Variants in SLC4A10 observed in about 807,000 individuals in gnomAD.
SLC4A10 encodes solute carrier family 4 member 10.
Under a neutral mutation model 137.7 loss-of-function variants are expected in SLC4A10, and 42 were observed. That is an observed-to-expected ratio of 0.30 (90% CI 0.24 to 0.39). The LOEUF (loss-of-function observed/expected upper bound fraction) is 0.39, where lower values mean the gene tolerates loss of function less well. SLC4A10 is among the 10% of genes least tolerant of loss of function. SLC4A10 has a pLI of 1.00. For missense variants in SLC4A10, 925 were observed against 1,355.0 expected, an observed-to-expected ratio of 0.68 and a Z score of 4.98; for synonymous variants, 474 against 464.1, an observed-to-expected ratio of 1.02 and a Z score of -0.27.
chr2:161,647,821 C>T (rs763502319), intron 1 of SLC4A10, among the ~76,000 whole-genome samples: 2 of 152,118 alleles, frequency 1.3e-5, no homozygotes, highest in Non-Finnish European at 2.9e-5. Context: ...CTCTGTCATC[C>T]AGATGTCACA....
chr2:161,659,545 A>G (rs143632973), intron 1 of SLC4A10, among the ~76,000 whole-genome samples: 2 of 152,306 alleles, frequency 1.3e-5, no homozygotes, highest in East Asian at 1.9e-4. Flanking sequence ...GTACATGTGT[A>G]TATTTTTTGG....
chr2:161,828,036 T>C (rs184977600), intron 3 of SLC4A10, among the ~76,000 whole-genome samples: 1 of 152,334 alleles, frequency 6.6e-6, no homozygotes, highest in East Asian at 1.9e-4. Flanking sequence ...CTGGGTTTAC[T>C]CTGACTTTGG....
chr2:161,779,274 A>T (rs1463424926), intron 2 of SLC4A10, among the ~76,000 whole-genome samples: 1 of 151,958 alleles, frequency 6.6e-6, no homozygotes, highest in African/African-American at 2.4e-5. Flanking sequence ...TTCATAAGGG[A>T]TCTGCCCTCA....
At chr2:161,727,360 A>T (rs1019908826) in intron 1 of SLC4A10, among the ~76,000 whole-genome samples, 1 of 152,224 alleles carries the variant, frequency 6.6e-6, no homozygotes, top group African/African-American at 2.4e-5. Context: ...TGACAAGCTC[A>T]ATCCACATTC....
intron 15 of SLC4A10, among the ~76,000 whole-genome samples, chr2:161,933,244 TTTCTTTC>T (rs1420734791): frequency 1.3e-4 from 18 of 141,976 alleles, no homozygotes; most frequent in South Asian, 2.3e-4. Flanking sequence ...TCTTTCTTTC[TTTCTTTC>T]TTCTTTCTTT....
intron 15 of SLC4A10, among the ~76,000 whole-genome samples, chr2:161,923,792 T>C (rs747918330): frequency 4.6e-5 from 7 of 151,998 alleles, no homozygotes; most frequent in Middle Eastern, 6.8e-3. Context: ...ACCTGCACAT[T>C]GTGCACATGT....
intron 1 of SLC4A10, among the ~76,000 whole-genome samples, chr2:161,731,650 G>A (rs2046833765): frequency 6.6e-6 from 1 of 152,010 alleles, no homozygotes; most frequent in Admixed American, 6.6e-5. Context: ...AGTAAATTTA[G>A]GTGAATAGGT....
Position 161,905,746 on chromosome 2 carries a change from A to G in SLC4A10, c.1856A>G (p.Tyr619Cys), listed in dbSNP as rs1382525548. 1.2e-6 allele frequency: 2 copies of G among 1,613,900 alleles called. No individual in the cohort carries two copies. The highest frequency in any genetic ancestry group is 1.7e-6 in the Non-Finnish European group (2 of 1,179,900). ...ACAGATGCTAGTTCCCTTGTCTGCT[A>G]CATCACTCGGTTTACTGAAGAAGCT... ...VATDASSLVCYITRFTEEAFA... is the reference protein window; with the variant it reads ...VATDASSLVCCITRFTEEAFA... The change falls in exon 15 of 27, where the codon TAC becomes TGC. Residue 619 changes from tyrosine to cysteine, a missense_variant. Physicochemically the swap from Tyr to Cys is radical, Grantham distance 194. Transcript: ENST00000446997.
At chr2:161,816,117 C>T (rs971683757) in intron 3 of SLC4A10, among the ~76,000 whole-genome samples, 1 of 152,042 alleles carries the variant, frequency 6.6e-6, no homozygotes, top group African/African-American at 2.4e-5. Context: ...CCCTAAACAC[C>T]ATCCTATCTG....
At chr2:161,811,712 T>C (rs1275072378) in intron 3 of SLC4A10, among the ~76,000 whole-genome samples, 2 of 152,102 alleles carry the variant, frequency 1.3e-5, no homozygotes, top group Non-Finnish European at 2.9e-5. Context: ...AGAACTCACT[T>C]TACTTTCTTC....
chr2:161,673,761 G>A (rs1186326587), intron 1 of SLC4A10, among the ~76,000 whole-genome samples: 4 of 152,156 alleles, frequency 2.6e-5, no homozygotes, highest in South Asian at 2.1e-4. Flanking sequence ...AGGACAAGGC[G>A]GGTGGATCAC....
chr2:161,965,088 T>C lies in SLC4A10; in HGVS notation c.3074T>C (p.Leu1025Ser). The part of the protein sequence containing the change: ...ALVFVRKLMD[L>S]LFTKRELSWL... ...GTATTTGTAAGAAAGTTGATGGACT[T>C]GTTGTTCACGAAGCGGGAACTCAGC... The change falls in exon 23 of 27, where the codon TTG (leucine) becomes TCG (serine). Residue 1025 changes from leucine (L) to serine (S), a missense_variant. By Grantham distance (145) the Leu-to-Ser change is moderately radical (BLOSUM62 -2). Coordinates refer to ENST00000446997, the MANE Select transcript of SLC4A10 (RefSeq NM_001178015.2). 1 of 1,612,726 alleles carries C rather than the reference T, an allele frequency of 6.2e-7. No individual in the cohort carries two copies. The highest frequency in any genetic ancestry group is 1.1e-5 in the South Asian group (1 of 91,008).
chr2:161,837,228 T>A (rs55764479), intron 3 of SLC4A10, among the ~76,000 whole-genome samples: 10,215 of 152,140 alleles, frequency 0.067, 453 homozygotes, highest in East Asian at 0.17. Flanking sequence ...ACAAAAAAAT[T>A]AGAAATAATA....
chr2:161,800,175 A>G (rs1217554964), intron 2 of SLC4A10, among the ~76,000 whole-genome samples: 1 of 152,078 alleles, frequency 6.6e-6, no homozygotes, highest in Non-Finnish European at 1.5e-5. Flanking sequence ...GTCTTGCTTT[A>G]TAACTCCTTA....
intron 1 of SLC4A10, among the ~76,000 whole-genome samples, chr2:161,770,420 A>C (rs1016139733): frequency 1.3e-5 from 2 of 151,884 alleles, no homozygotes; most frequent in Non-Finnish European, 2.9e-5. Context: ...CATGATCATA[A>C]TTTACTCTTT....
chr2:161,911,397 A>T (rs887924537), intron 15 of SLC4A10, among the ~76,000 whole-genome samples: 3 of 152,084 alleles, frequency 2.0e-5, no homozygotes, highest in Non-Finnish European at 2.9e-5. Flanking sequence ...GAGAAACTGG[A>T]GTGCAATTTA....
At chr2:161,630,195 G>C (rs1318868187) in intron 1 of SLC4A10, among the ~76,000 whole-genome samples, 1 of 151,746 alleles carries the variant, frequency 6.6e-6, no homozygotes, top group African/African-American at 2.4e-5. Context: ...CCAGCATTTG[G>C]TGTTGTCAGT....
chr2:161,958,617 G>A, intron 21 of SLC4A10, 62 bp downstream of exon 21: 2 of 1,237,426 alleles, frequency 1.6e-6, no homozygotes, highest in Non-Finnish European at 2.3e-6. Flanking sequence ...CTACTGATAA[G>A]TCATGTGACA....
chr2:161,665,789 G>T (rs1053460144), intron 1 of SLC4A10, among the ~76,000 whole-genome samples: 1 of 151,220 alleles, frequency 6.6e-6, no homozygotes, highest in Non-Finnish European at 1.5e-5. Flanking sequence ...GGTAATCTTG[G>T]AGGTAGCTAA....
Sources: allele counts gnomAD v4.1 joint callset (sites outside exome capture counted in the v4.1 genomes callset), GRCh38; gene constraint gnomAD v4.1.1; transcripts MANE v1.5; gene names NCBI Gene and HGNC (gene_info 2026-07-23, HGNC 2026-07-21).